SH3GL3: variants seen among roughly 807,000 people sequenced by gnomAD.
SH3GL3 encodes the protein endophilin-A3.
In SH3GL3, 33 loss-of-function variants were observed where a neutral mutation model predicts 47.7. That is an observed-to-expected ratio of 0.69 (90% CI 0.52 to 0.92). The LOEUF (loss-of-function observed/expected upper bound fraction) is 0.92, where lower values mean the gene tolerates loss of function less well. Ranked by LOEUF, SH3GL3 falls within the 40% of genes least tolerant of loss-of-function variation. The pLI is 0.00. For missense variants in SH3GL3, 363 were observed against 417.8 expected, an observed-to-expected ratio of 0.87 and a Z score of 1.14; for synonymous variants, 155 against 148.8, an observed-to-expected ratio of 1.04 and a Z score of -0.30.
chr15:83,504,473 G>T (rs1322043036), intron 1 of SH3GL3, among the ~76,000 whole-genome samples: 1 of 152,218 alleles, frequency 6.6e-6, no homozygotes, highest in African/African-American at 2.4e-5. Context: ...TCCAGATTGG[G>T]TTATAAAAGA....
downstream of SH3GL3, among the ~76,000 whole-genome samples, chr15:83,619,712 A>G (rs1263186021): frequency 6.6e-6 from 1 of 152,178 alleles, no homozygotes; most frequent in East Asian, 1.9e-4. Context: ...AAGGGGTAAT[A>G]TTTTTGCTGC....
At position 83,586,908 on chromosome 15, in the gene SH3GL3, G is replaced by A. The variant is rs899577519; in HGVS notation, c.625-75G>A. 5.6e-6 allele frequency: 4 copies of A among 708,348 alleles called. No individual in the cohort carries two copies. The African/African-American group carries it at 7.3e-5, about 13-fold the overall frequency. The allele number at this position is 708,348 out of a possible 1,614,324, so 43.9% of individuals were successfully genotyped here. The stretch of plus-strand genomic sequence containing the variant: ...GTCTTCCCTGCAAAGCTAGGTCTTT[G>A]CTGCTGGTCTCCTCTCTCTCTGGAC... On this transcript the variant is annotated intron_variant, in intron 6 of 8. Coordinates refer to ENST00000427482, the MANE Select transcript of SH3GL3 (RefSeq NM_003027.5).
intron 1 of SH3GL3, among the ~76,000 whole-genome samples, chr15:83,449,059 C>T (rs1269657744): frequency 6.6e-6 from 1 of 152,002 alleles, no homozygotes; most frequent in African/African-American, 2.4e-5. Flanking sequence ...CCAGCCTAAG[C>T]GGAGATTTAA....
chr15:83,473,226 G>C (rs2040914098), intron 1 of SH3GL3, among the ~76,000 whole-genome samples: 1 of 151,314 alleles, frequency 6.6e-6, no homozygotes, highest in African/African-American at 2.4e-5. Flanking sequence ...ACCAAAGGTG[G>C]GTGGGGGGGT....
intron 1 of SH3GL3, among the ~76,000 whole-genome samples, chr15:83,475,491 A>G (rs2041054942): frequency 6.6e-6 from 1 of 152,154 alleles, no homozygotes. Context: ...TAAATAAATC[A>G]ATAAATAAAA....
chr15:83,587,781 C>T (rs1212159822), intron 7 of SH3GL3, among the ~76,000 whole-genome samples: 1 of 152,140 alleles, frequency 6.6e-6, no homozygotes, highest in Non-Finnish European at 1.5e-5. Context: ...ATATAGTCTG[C>T]ATGGCAACCC....
At chr15:83,570,309 A>G (rs1179528532) in intron 4 of SH3GL3, among the ~76,000 whole-genome samples, 1 of 152,150 alleles carries the variant, frequency 6.6e-6, no homozygotes, top group Non-Finnish European at 1.5e-5. Flanking sequence ...CTAAATTATT[A>G]TACATTAAAT....
At chr15:83,540,082 T>C (rs1388515374) in intron 1 of SH3GL3, among the ~76,000 whole-genome samples, 1 of 152,202 alleles carries the variant, frequency 6.6e-6, no homozygotes, top group East Asian at 1.9e-4. Flanking sequence ...TGACTCAGGC[T>C]GTTTATGCAT....
intron 1 of SH3GL3, among the ~76,000 whole-genome samples, chr15:83,529,860 T>C (rs1596190042): frequency 6.6e-6 from 1 of 152,120 alleles, no homozygotes; most frequent in African/African-American, 2.4e-5. Flanking sequence ...TCAGAGTGCA[T>C]GCTAGTGCAT....
At chr15:83,571,320 C>T (rs2045805752) in intron 4 of SH3GL3, among the ~76,000 whole-genome samples, 5 of 152,310 alleles carry the variant, frequency 3.3e-5, no homozygotes. Flanking sequence ...GACACTGGCA[C>T]TGGTGGCAGA....
At chr15:83,624,218 G>A in the SH3GL3 span, among the ~76,000 whole-genome samples, 1 of 152,104 alleles carries the variant, frequency 6.6e-6, no homozygotes, top group Non-Finnish European at 1.5e-5. Context: ...TTTTGCTATA[G>A]AGGCAAATAG....
At position 83,448,923 on chromosome 15, in the gene SH3GL3, C is replaced by G. The variant is rs2039591393; in HGVS notation, c.45+1345C>G. On this transcript the variant is annotated intron_variant, in intron 1 of 8. Transcript: ENST00000427482. This position sits in a 1 kb window ranked among gnomAD's most constrained non-coding sequence, Gnocchi z 4.2. Reference sequence around the variant, plus strand: ...GAGGGTGGAGATGATGGATTCACCACTGAACCCAGGGACTTTGAGGGGTCT... The same window carrying G: ...GAGGGTGGAGATGATGGATTCACCAGTGAACCCAGGGACTTTGAGGGGTCT... Among the ~76,000 whole-genome samples, 1 of 152,180 alleles carries G rather than the reference C, an allele frequency of 6.6e-6. No homozygotes were observed. Among genetic ancestry groups the G allele is most frequent in the Admixed American group, 6.5e-5 (1 of 15,284 alleles).
intron 1 of SH3GL3, among the ~76,000 whole-genome samples, chr15:83,457,338 T>C (rs1382431821): frequency 1.3e-5 from 2 of 152,264 alleles, no homozygotes; most frequent in Non-Finnish European, 2.9e-5. Context: ...TTTTAACTTC[T>C]GTCATGTGAC....
intron 2 of SH3GL3, among the ~76,000 whole-genome samples, chr15:83,562,080 C>CA (rs1729689262): frequency 1.6e-5 from 2 of 126,472 alleles, no homozygotes; most frequent in Non-Finnish European, 3.6e-5. Flanking sequence ...CACACACACA[C>CA]ACTATAGTGT....
At chr15:83,532,221 C>T (rs549295551) in intron 1 of SH3GL3, among the ~76,000 whole-genome samples, 7 of 152,102 alleles carry the variant, frequency 4.6e-5, no homozygotes, top group Non-Finnish European at 1.0e-4. Flanking sequence ...AGAAAATTTC[C>T]AAAAGGCAAT....
In SH3GL3 at chr15:83,447,977, A is replaced by C. The variant is rs1053005792; in HGVS notation, c.45+399A>C. 1.3e-5 allele frequency among the ~76,000 whole-genome samples: 2 copies of C among 151,886 alleles called. No homozygotes were observed. The highest frequency in any genetic ancestry group is 4.8e-5 in the African/African-American group (2 of 41,340). ...GAGTCTCCAGCCGTTTGGTTGGGAG[A>C]GCCTCGTGGGGGGCCCATCCTCCAC... On this transcript the variant is annotated intron_variant, in intron 1 of 8. Coordinates refer to ENST00000427482, the MANE Select transcript of SH3GL3 (RefSeq NM_003027.5). The surrounding 1 kb of genome is among the most constrained non-coding windows in gnomAD (Gnocchi z 5.1).
At chr15:83,499,395 CAA>C (rs11374002) in intron 1 of SH3GL3, among the ~76,000 whole-genome samples, 15 of 122,022 alleles carry the variant, frequency 1.2e-4, no homozygotes, top group Non-Finnish European at 1.4e-4. Flanking sequence ...GACTCCATCT[CAA>C]AAAAAAAAAA....
rs1482550011 is a variant in SH3GL3, at chr15:83,447,395, TGGCCGTGGCCGTGGGA to T, written c.-135_-120del. ...GCGAGTGTGACAGCGGCTGTGGCTG[TGGCCGTGGCCGTGGGA>T]GGCGGGCCCGGCGGAGCCCAGCCGC... is the stretch of plus-strand genomic sequence containing the variant. On this transcript the variant is annotated 5_prime_UTR_variant, in exon 1 of 9. Coordinates refer to ENST00000427482, the MANE Select transcript of SH3GL3 (RefSeq NM_003027.5). The surrounding 1 kb of genome is among the most constrained non-coding windows in gnomAD (Gnocchi z 5.1). The T allele has an allele frequency of 5.7e-5, 28 of 492,898 alleles. No individual in the cohort carries two copies. The highest frequency in any genetic ancestry group is 9.1e-5 in the Non-Finnish European group (28 of 309,162). The allele number at this position is 492,898 out of a possible 1,614,324, so 30.5% of individuals were successfully genotyped here. A position where few individuals can be genotyped will look rare whatever the true frequency, so the allele number is the denominator to read the frequency against.
intron 1 of SH3GL3, among the ~76,000 whole-genome samples, chr15:83,467,107 C>A (rs79915989): frequency 6.6e-6 from 1 of 152,188 alleles, no homozygotes. Context: ...AGTCTAAGAA[C>A]TCTTGCTTAG....
Sources: allele counts gnomAD v4.1 joint callset (sites outside exome capture counted in the v4.1 genomes callset), GRCh38; gene constraint gnomAD v4.1.1; non-coding constraint Gnocchi (gnomAD v3.1); transcripts MANE v1.5; gene names NCBI Gene and HGNC (gene_info 2026-07-23, HGNC 2026-07-21).